GOLGA4: variants seen among roughly 807,000 people sequenced by gnomAD.
GOLGA4 encodes golgin A4, also known as golgin subfamily A member 4.
GOLGA4 carries 169 observed loss-of-function variants against 265.9 expected under a neutral mutation model. That is an observed-to-expected ratio of 0.64 (90% CI 0.56 to 0.72). The LOEUF (loss-of-function observed/expected upper bound fraction) is 0.72. Among genes scored for constraint, GOLGA4 ranks in the 30% least tolerant of loss-of-function variants. The probability of loss-of-function intolerance (pLI) is 0.00; values close to 1 mark genes in which losing one functional copy is unlikely to be tolerated. For synonymous variants in GOLGA4, 923 were observed against 855.8 expected (o/e 1.08, Z -1.37); for missense variants, 2,482 against 2,483.4 (o/e 1.00, Z 0.01).
At position 37,315,467 on chromosome 3, in the gene GOLGA4, G is replaced by A. The variant is rs764002225; in HGVS notation, c.1282G>A (p.Glu428Lys). ...TTTGAGTACAGCCCAAAAAACAGAG[G>A]AAGCACGGAGAAAACTGAAGGCAGA... ...KALSTAQKTE[E>K]ARRKLKAEMD... Residue 428 changes from glutamate to lysine, a missense_variant, in exon 11 of 24, where the codon GAA becomes AAA. Physicochemically the swap from Glu to Lys is moderately conservative, Grantham distance 56 (BLOSUM62 1). Transcript: ENST00000361924. 8.7e-6 allele frequency: 14 copies of A among 1,613,866 alleles called. No individual in the cohort carries two copies. In the East Asian group the frequency reaches 2.7e-4, roughly 31 times the overall value.
chr3:37,288,699 C>T (rs566449935), intron 4 of GOLGA4, among the ~76,000 whole-genome samples: 51 of 151,670 alleles, frequency 3.4e-4, no homozygotes, highest in African/African-American at 9.7e-4. Context: ...AGGATGGTCT[C>T]GATCTCCTGA....
At position 37,315,488 on chromosome 3, in the gene GOLGA4, G is replaced by C. The variant is rs764992107; in HGVS notation, c.1303G>C (p.Ala435Pro). The C allele has an allele frequency of 3.7e-6, 6 of 1,613,930 alleles. No individual in the cohort carries two copies. The highest frequency in any genetic ancestry group is 4.2e-6 in the Non-Finnish European group (5 of 1,179,854). The change falls in exon 11 of 24, where the codon GCA (alanine) becomes CCA (proline). Residue 435 changes from alanine (A) to proline (P), a missense_variant. Coordinates refer to ENST00000361924, the MANE Select transcript of GOLGA4 (RefSeq NM_002078.5). ...AGAGGAAGCACGGAGAAAACTGAAG[G>C]CAGAAATGGATGAACAAATAAAAAC... is the stretch of plus-strand genomic sequence containing the variant. The part of the protein sequence containing the change: ...KTEEARRKLK[A>P]EMDEQIKTIE...
At chr3:37,312,597 A>G (rs2096926053) in intron 10 of GOLGA4, among the ~76,000 whole-genome samples, 1 of 149,916 alleles carries the variant, frequency 6.7e-6, no homozygotes, top group South Asian at 2.1e-4. Flanking sequence ...ATCACTGCTC[A>G]CTGAAGCCTT....
rs1172219075 is a variant in GOLGA4 at position 37,326,612 on chromosome 3, A to G, written c.4726A>G (p.Lys1576Glu). The G allele has an allele frequency of 6.2e-7, 1 of 1,613,408 alleles. No individual in the cohort carries two copies. The highest frequency in any genetic ancestry group is 1.1e-5 in the South Asian group (1 of 90,906). Residue 1576 changes from lysine (K) to glutamate (E), a missense_variant, in exon 14 of 24, where the codon AAG becomes GAG. By Grantham distance (56) the Lys-to-Glu change is moderately conservative. This residue lies in a region of GOLGA4 where 942 missense variants were observed against 983.1 expected (regional missense o/e 0.96). Coordinates refer to ENST00000361924, the MANE Select transcript of GOLGA4 (RefSeq NM_002078.5). The stretch of plus-strand genomic sequence containing the variant: ...ACATTTTCAAGAGTTAGGAGAAGAA[A>G]AGGACAACAGGGTTAAAGAAGCTGA... ...LQHFQELGEE[K>E]DNRVKEAEEK... is the part of the protein sequence containing the mutation.
intron 8 of GOLGA4, 28 bp downstream of exon 8, chr3:37,299,048 A>G (rs758691008): frequency 2.0e-6 from 3 of 1,529,080 alleles, no homozygotes; most frequent in Non-Finnish European, 2.7e-6. Flanking sequence ...TTTTGTTCTA[A>G]TTTAATCTAT....
intron 4 of GOLGA4, chr3:37,287,644 CAGTT>C (rs1185823313): frequency 6.6e-6 from 1 of 152,222 alleles, no homozygotes; most frequent in Non-Finnish European, 1.5e-5. Flanking sequence ...TTTTTCCTAG[CAGTT>C]AGACTGCAGA....
At chr3:37,363,167 C>T (rs770240218) in intron 23 of GOLGA4, among the ~76,000 whole-genome samples, 18 of 151,990 alleles carry the variant, frequency 1.2e-4, no homozygotes, top group Non-Finnish European at 1.9e-4. Flanking sequence ...TTTGCCTTAG[C>T]GATTATCCAG....
chr3:37,260,181 A>G (rs1239770236), intron 2 of GOLGA4, among the ~76,000 whole-genome samples: 1 of 151,968 alleles, frequency 6.6e-6, no homozygotes, highest in Non-Finnish European at 1.5e-5. Context: ...AAAAGCAAAA[A>G]AGTCTCATAA....
intron 5 of GOLGA4, among the ~76,000 whole-genome samples, chr3:37,293,957 G>C (rs1227820411): frequency 1.3e-5 from 2 of 152,138 alleles, no homozygotes; most frequent in Admixed American, 1.3e-4. Flanking sequence ...GTAAGTATTT[G>C]CATATCCAAG....
intron 23 of GOLGA4, among the ~76,000 whole-genome samples, chr3:37,363,973 G>C (rs983920483): frequency 6.6e-6 from 1 of 152,122 alleles, no homozygotes; most frequent in African/African-American, 2.4e-5. Flanking sequence ...AGGAATTTAC[G>C]TATAACAGAA....
chr3:37,308,215 A>G (rs2096912674), intron 10 of GOLGA4, among the ~76,000 whole-genome samples: 2 of 151,928 alleles, frequency 1.3e-5, no homozygotes, highest in Non-Finnish European at 2.9e-5. Context: ...CCTGGGCGAC[A>G]AGAACGAAAC....
chr3:37,276,087 G>A (rs2096817405), intron 2 of GOLGA4: 8 of 1,611,752 alleles, frequency 5.0e-6, no homozygotes, highest in African/African-American at 2.7e-5. Flanking sequence ...TCCTTTCCTC[G>A]GGCACCAAGC....
chr3:37,244,993 T>A (rs889314188), intron 1 of GOLGA4, among the ~76,000 whole-genome samples: 1 of 152,230 alleles, frequency 6.6e-6, no homozygotes, highest in African/African-American at 2.4e-5. Context: ...TAAAATGTAA[T>A]TGAGCCAGGA....
rs1408416346 is a variant in GOLGA4, at chr3:37,295,064, T to C, written c.668T>C (p.Val223Ala). 6.4e-6 allele frequency: 10 copies of C among 1,554,548 alleles called. No homozygotes were observed. The highest frequency in any genetic ancestry group is 8.7e-6 in the Non-Finnish European group (10 of 1,143,332). ...GAGGAGAAAGATCAGTATATCAGTG[T>C]TCTCCAAACTCAGGTAAAAGAGTAA... ...SLEEKDQYIS[V>A]LQTQVSLLKQ... The change falls in exon 6 of 24, where the codon GTT becomes GCT. Residue 223 changes from valine (V) to alanine (A), a missense_variant. Physicochemically the swap from Val to Ala is moderately conservative, Grantham distance 64 (BLOSUM62 0). This residue lies in a region of GOLGA4 where 1,536 missense variants were observed against 1,483.7 expected (regional missense o/e 1.04). Coordinates refer to ENST00000361924, the MANE Select transcript of GOLGA4 (RefSeq NM_002078.5).
chr3:37,281,623 A>G (rs1214706193), intron 2 of GOLGA4, among the ~76,000 whole-genome samples: 1 of 152,194 alleles, frequency 6.6e-6, no homozygotes, highest in East Asian at 1.9e-4. Context: ...AGTTTAGTGG[A>G]TGAATCCTCA....
At chr3:37,263,674 A>G (rs1339563534) in intron 2 of GOLGA4, among the ~76,000 whole-genome samples, 2 of 152,192 alleles carry the variant, frequency 1.3e-5, no homozygotes, top group Non-Finnish European at 2.9e-5. Flanking sequence ...AATGGACACT[A>G]ATTTTGATAT....
At chr3:37,314,642 A>AACACACACACACACACACACACACACAC (rs60890140) in intron 10 of GOLGA4, among the ~76,000 whole-genome samples, 7 of 138,970 alleles carry the variant, frequency 5.0e-5, no homozygotes, top group Non-Finnish European at 6.2e-5. Context: ...CTCCGTCTCA[A>AACACACACACACACACACACACACACAC]ACACACACAC....
intron 1 of GOLGA4, among the ~76,000 whole-genome samples, chr3:37,249,451 G>A (rs925597863): frequency 6.6e-6 from 1 of 151,444 alleles, no homozygotes; most frequent in Non-Finnish European, 1.5e-5. Context: ...GTCTTGCTCT[G>A]TCACCCAGGC....
At chr3:37,318,510 G>C (rs1260656145) in intron 11 of GOLGA4, among the ~76,000 whole-genome samples, 1 of 151,674 alleles carries the variant, frequency 6.6e-6, no homozygotes, top group African/African-American at 2.4e-5. Flanking sequence ...TTTTGAAATA[G>C]TGTTGGTTAT....
Sources: gnomAD v4.1 joint callset for allele counts (sites outside exome capture counted in the v4.1 genomes callset) on GRCh38, gnomAD v4.1.1 for gene constraint, gnomAD v4.1.1 regional missense constraint, MANE v1.5 for transcripts, NCBI Gene and HGNC (gene_info 2026-07-23, HGNC 2026-07-21) for gene names.